KIF1A: variants seen among roughly 807,000 people sequenced by gnomAD.
KIF1A encodes the protein kinesin family member 1A, also known as kinesin-like protein KIF1A.
A neutral mutation model predicts 227.3 loss-of-function variants in KIF1A; 46 were observed. The ratio of observed to expected loss-of-function variants is 0.20; its 90% CI spans 0.16 to 0.26. KIF1A has a LOEUF of 0.26. Among genes scored for constraint, KIF1A ranks in the 10% least tolerant of loss-of-function variants. KIF1A has a pLI of 1.00. For missense variants in KIF1A, 1,683 were observed against 2,485.9 expected, an observed-to-expected ratio of 0.68 and a Z score of 6.87; for synonymous variants, 1,022 against 1,012.8, an observed-to-expected ratio of 1.01 and a Z score of -0.17.
intron 1 of KIF1A, among the ~76,000 whole-genome samples, chr2:240,805,710 A>C (rs1050543870): frequency 1.3e-5 from 2 of 152,236 alleles, no homozygotes; most frequent in African/African-American, 4.8e-5. Context: ...AACATTTACA[A>C]TATTTTACCA....
chr2:240,796,292 C>G (rs1034120348), intron 2 of KIF1A, among the ~76,000 whole-genome samples: 26 of 152,374 alleles, frequency 1.7e-4, no homozygotes, highest in Admixed American at 5.9e-4. Context: ...TGAGCACTTT[C>G]TCCGACCACA....
chr2:240,756,273 A>T (rs2049838719), intron 27 of KIF1A, among the ~76,000 whole-genome samples: 1 of 152,212 alleles, frequency 6.6e-6, no homozygotes, highest in Non-Finnish European at 1.5e-5. Flanking sequence ...CGCCAAAAAA[A>T]GGTTGCTATT....
chr2:240,779,694 CCTCA>C (rs1298114787), intron 10 of KIF1A, among the ~76,000 whole-genome samples: 2 of 149,632 alleles, frequency 1.3e-5, no homozygotes, highest in Non-Finnish European at 2.9e-5. Context: ...ACACTCACTT[CCTCA>C]CTCAGTTCCT....
intron 1 of KIF1A, among the ~76,000 whole-genome samples, chr2:240,812,448 C>T (rs2057936678): frequency 6.6e-6 from 1 of 152,236 alleles, no homozygotes; most frequent in African/African-American, 2.4e-5. Flanking sequence ...CGCCCTTCAC[C>T]TCTGGGTCTG....
chr2:240,813,593 C>A (rs1252074868), intron 1 of KIF1A, among the ~76,000 whole-genome samples: 1 of 152,136 alleles, frequency 6.6e-6, no homozygotes, highest in Admixed American at 6.5e-5. Context: ...ACCCCTCATT[C>A]TGATATGCAG....
intron 45 of KIF1A, 62 bp from the exon 46 acceptor site, chr2:240,719,988 C>T (rs1559473965): frequency 2.0e-6 from 3 of 1,505,638 alleles, no homozygotes; most frequent in South Asian, 1.3e-5. Context: ...CCGTCTTCCC[C>T]CAGGCTTCAC....
chr2:240,766,846 A>C lies in KIF1A; in HGVS notation c.1684+69T>G. The stretch of plus-strand genomic sequence containing the variant: ...GTGCTGGGTAAGCTGGGAGAGGGTG[A>C]CCTCATTCAGGCCTGATCATCACGG... On this transcript the variant is annotated intron_variant, in intron 19 of 48. Coordinates refer to ENST00000498729, the MANE Select transcript of KIF1A (RefSeq NM_001244008.2). The surrounding 1 kb of genome is among the most constrained non-coding windows in gnomAD (Gnocchi z 5.0). The C allele has an allele frequency of 2.8e-6, 3 of 1,076,184 alleles. No homozygotes were observed. Among genetic ancestry groups the C allele is most frequent in the Non-Finnish European group, 4.1e-6 (3 of 723,406 alleles). 66.7% of individuals were successfully genotyped at this position (1,076,184 alleles called of 1,614,324 possible).
chr2:240,746,288 G>T, intron 29 of KIF1A, 111 bp from the exon 30 acceptor site: 1 of 1,339,586 alleles, frequency 7.5e-7, no homozygotes, highest in Non-Finnish European at 1.0e-6. Context: ...GCCTGGGCTG[G>T]GGCCTCCATG....
Position 240,717,354 on chromosome 2 carries a change from G to C in KIF1A, c.*10C>G. 2 of 1,610,708 alleles carry C rather than the reference G, an allele frequency of 1.2e-6. No individual in the cohort carries two copies. Among genetic ancestry groups the C allele is most frequent in the Non-Finnish European group, 1.7e-6 (2 of 1,179,004 alleles). On this transcript the variant is annotated 3_prime_UTR_variant, in exon 49 of 49. Coordinates refer to ENST00000498729, the MANE Select transcript of KIF1A (RefSeq NM_001244008.2). ...GCTGGGCCTGCCGGCTGTCACGGGA[G>C]GGCTCAGGTTCAGACCCGCATCTGG...
chr2:240,816,638 G>A (rs757861374), intron 1 of KIF1A, among the ~76,000 whole-genome samples: 2 of 152,188 alleles, frequency 1.3e-5, no homozygotes, highest in Non-Finnish European at 2.9e-5. Context: ...AGACCACAAG[G>A]CCTGGGATTA....
In KIF1A at chr2:240,788,155, C is replaced by T. The variant is rs1379437314; in HGVS notation, c.259G>A (p.Glu87Lys). ...IGEEMLQHAF[E>K]GYNVCIFAYG... The stretch of plus-strand genomic sequence containing the variant: ...GCGAAGATGCACACGTTGTATCCCT[C>T]AAAGGCATGCTGCAGCATCTCCTCG... Residue 87 changes from glutamate to lysine, a missense_variant, in exon 4 of 49, where the codon GAG becomes AAG. By Grantham distance (56) the Glu-to-Lys change is moderately conservative. Around this residue, in one of 12 missense-constraint regions of KIF1A, gnomAD observed 71 missense variants for 129.1 expected, o/e 0.55. Transcript: ENST00000498729. The surrounding 1 kb of genome is among the most constrained non-coding windows in gnomAD (Gnocchi z 6.6). 6.2e-7 allele frequency: 1 copy of T among 1,613,556 alleles called. No individual in the cohort carries two copies. Among genetic ancestry groups the T allele is most frequent in the African/African-American group, 1.3e-5 (1 of 74,918 alleles).
rs747740247 is a variant in KIF1A, at chr2:240,788,037, C to T, written c.363+14G>A. 3.3e-6 allele frequency: 5 copies of T among 1,496,084 alleles called. No individual in the cohort carries two copies. The highest frequency in any genetic ancestry group is 4.5e-6 in the Non-Finnish European group (5 of 1,099,030). The allele number at this position is 1,496,084 out of a possible 1,614,324, so 92.7% of individuals were successfully genotyped here. Reference sequence around the variant, plus strand: ...ATCTGCCAGGGCTGCCCCCGCCCGCCCCCCGCTTCGTGCCTGTGGGATGAT... The same window carrying T: ...ATCTGCCAGGGCTGCCCCCGCCCGCTCCCCGCTTCGTGCCTGTGGGATGAT... On this transcript the variant is annotated intron_variant, in intron 4 of 48. Coordinates refer to ENST00000498729, the MANE Select transcript of KIF1A (RefSeq NM_001244008.2). This position sits in a 1 kb window ranked among gnomAD's most constrained non-coding sequence, Gnocchi z 6.6.
intron 38 of KIF1A, among the ~76,000 whole-genome samples, chr2:240,727,593 G>A (rs1036032086): frequency 3.3e-5 from 5 of 152,348 alleles, no homozygotes; most frequent in South Asian, 2.1e-4. Flanking sequence ...CTGCAAGGCC[G>A]TGTGCAAAAG....
intron 41 of KIF1A, among the ~76,000 whole-genome samples, 187 bp from the exon 42 acceptor site, chr2:240,723,745 G>T (rs964954261): frequency 6.6e-6 from 1 of 152,146 alleles, no homozygotes; most frequent in African/African-American, 2.4e-5. Flanking sequence ...TATCCAGCCC[G>T]GCGTCCCATG....
chr2:240,802,806 AT>A (rs1443851528), intron 1 of KIF1A, among the ~76,000 whole-genome samples: 1 of 151,952 alleles, frequency 6.6e-6, no homozygotes, highest in Non-Finnish European at 1.5e-5. Flanking sequence ...TAAATTTTTT[AT>A]TTTGTAGGGA....
At position 240,752,376 on chromosome 2, in the gene KIF1A, C is replaced by G. The variant is rs1171472231; in HGVS notation, c.2859-1829G>C. Among the ~76,000 whole-genome samples, 1 of 152,134 alleles carries G rather than the reference C, an allele frequency of 6.6e-6. No individual in the cohort carries two copies. On this transcript the variant is annotated intron_variant, in intron 27 of 48. Coordinates refer to ENST00000498729, the MANE Select transcript of KIF1A (RefSeq NM_001244008.2). This position sits in a 1 kb window ranked among gnomAD's most constrained non-coding sequence, Gnocchi z 6.4. The stretch of plus-strand genomic sequence containing the variant: ...TGAGGCCCACAGGGCGGGGCCCCTC[C>G]CCACAGTCCTGCTGGGTGCTCCGCA...
chr2:240,729,472 G>A (rs533950956), intron 38 of KIF1A, among the ~76,000 whole-genome samples: 50 of 152,292 alleles, frequency 3.3e-4, no homozygotes, highest in Admixed American at 1.6e-3. Context: ...CAGGAACCAC[G>A]TCCCTGCCCC....
Position 240,719,648 on chromosome 2 carries a change from C to G in KIF1A, c.5021+126G>C. 2.6e-6 allele frequency: 3 copies of G among 1,153,626 alleles called. No individual in the cohort carries two copies. In the South Asian group the frequency reaches 5.0e-5, roughly 19 times the overall value. 71.5% of individuals were successfully genotyped at this position (1,153,626 alleles called of 1,614,324 possible). ...CTGCCTGAACCTCCAGTATGGGCAT[C>G]AGGCAACCTGTCTGTCTCCCCAAGT... is the stretch of plus-strand genomic sequence containing the variant. On this transcript the variant is annotated intron_variant, in intron 46 of 48. Coordinates refer to ENST00000498729, the MANE Select transcript of KIF1A (RefSeq NM_001244008.2).
chr2:240,770,914 C>A (rs2051875160), intron 15 of KIF1A, 57 bp downstream of exon 15: 2 of 1,592,084 alleles, frequency 1.3e-6, no homozygotes, highest in South Asian at 2.2e-5. Flanking sequence ...TCTCTAACTC[C>A]TCCGAGCTCC....
Sources: allele counts gnomAD v4.1 joint callset (sites outside exome capture counted in the v4.1 genomes callset), GRCh38; gene constraint gnomAD v4.1.1; regional missense constraint gnomAD v4.1.1; non-coding constraint Gnocchi (gnomAD v3.1); transcripts MANE v1.5; gene names NCBI Gene and HGNC (gene_info 2026-07-23, HGNC 2026-07-21).